The following SPOCK1 variants were observed in gnomAD, a reference collection of about 807,000 sequenced individuals.
SPOCK1 encodes SPARC (osteonectin), cwcv and kazal like domains proteoglycan 1.
SPOCK1 carries 23 observed loss-of-function variants against 55.3 expected under a neutral mutation model. That is an observed-to-expected ratio of 0.42 (90% CI 0.30 to 0.59). SPOCK1 has a LOEUF of 0.59. Ranked by LOEUF, SPOCK1 falls within the 20% of genes least tolerant of loss-of-function variation. The probability of loss-of-function intolerance (pLI) is 0.22; values close to 1 mark genes in which losing one functional copy is unlikely to be tolerated. For synonymous variants in SPOCK1, 226 were observed against 221.0 expected (o/e 1.02, Z -0.20); for missense variants, 499 against 552.5 (o/e 0.90, Z 0.97).
intron 3 of SPOCK1, among the ~76,000 whole-genome samples, chr5:137,181,437 A>T (rs1351599298): frequency 6.6e-6 from 1 of 152,196 alleles, no homozygotes; most frequent in Non-Finnish European, 1.5e-5. Context: ...ACCAATCAAC[A>T]GGGGGCTGTG....
intron 2 of SPOCK1, among the ~76,000 whole-genome samples, chr5:137,475,455 A>T (rs554818999): frequency 6.6e-6 from 1 of 152,348 alleles, no homozygotes; most frequent in South Asian, 2.1e-4. Flanking sequence ...TTCTAGCTAA[A>T]GTAAGAAATT....
chr5:137,492,055 A>T lies in SPOCK1; in HGVS notation c.186+6318T>A, dbSNP rs535438550. ...CATAAGCTTGGTCAACACAGTGGAC[A>T]TCTGTTGACATCTGCCCATCAGGCA... is the stretch of plus-strand genomic sequence containing the variant. On this transcript the variant is annotated intron_variant, in intron 2 of 10. Transcript: ENST00000394945. Among the ~76,000 whole-genome samples the T allele has an allele frequency of 3.3e-5, 5 of 152,322 alleles. No homozygotes were observed. In the East Asian group the frequency reaches 7.7e-4, roughly 24 times the overall value.
intron 2 of SPOCK1, among the ~76,000 whole-genome samples, chr5:137,489,864 G>T (rs555207688): frequency 6.6e-6 from 1 of 152,334 alleles, no homozygotes; most frequent in South Asian, 2.1e-4. Context: ...TCCTCCTGCA[G>T]GGCTCAGCTT....
At chr5:137,074,958 C>T (rs1380238838) in intron 5 of SPOCK1, among the ~76,000 whole-genome samples, 1 of 152,128 alleles carries the variant, frequency 6.6e-6, no homozygotes, top group East Asian at 1.9e-4. Flanking sequence ...CCACCTCGGC[C>T]TCCCAAAGTG....
chr5:137,416,214 T>C (rs558096632), intron 2 of SPOCK1, among the ~76,000 whole-genome samples: 19 of 151,596 alleles, frequency 1.3e-4, no homozygotes, highest in Admixed American at 1.2e-3. Flanking sequence ...CAAGCAAAAA[T>C]GTCTTTCAAA....
chr5:137,300,836 C>T (rs1490774884), intron 2 of SPOCK1, among the ~76,000 whole-genome samples: 6 of 152,178 alleles, frequency 3.9e-5, no homozygotes, highest in African/African-American at 7.2e-5. Flanking sequence ...CCAGCAGCTC[C>T]GTGCCACAGT....
intron 3 of SPOCK1, among the ~76,000 whole-genome samples, chr5:137,251,174 G>T (rs771409345): frequency 6.6e-6 from 1 of 152,108 alleles, no homozygotes; most frequent in African/African-American, 2.4e-5. Flanking sequence ...GCTGTCTGAG[G>T]GCCACGCACT....
At chr5:137,145,081 C>A (rs1193159477) in intron 3 of SPOCK1, among the ~76,000 whole-genome samples, 1 of 151,916 alleles carries the variant, frequency 6.6e-6, no homozygotes, top group Non-Finnish European at 1.5e-5. Flanking sequence ...TCTTTCCCAC[C>A]TATATGCAGA....
chr5:137,202,433 C>T (rs904565414), intron 3 of SPOCK1, among the ~76,000 whole-genome samples: 5 of 152,246 alleles, frequency 3.3e-5, no homozygotes, highest in Middle Eastern at 3.4e-3. Context: ...CAGACTAATG[C>T]CCAGGACAAG....
chr5:137,481,915 T>A (rs1010669634), intron 2 of SPOCK1, among the ~76,000 whole-genome samples: 1 of 151,946 alleles, frequency 6.6e-6, no homozygotes, highest in Non-Finnish European at 1.5e-5. Flanking sequence ...TAGCTTAGAA[T>A]TGCTCAGGAG....
At chr5:137,069,972 G>A (rs759274816) in intron 5 of SPOCK1, among the ~76,000 whole-genome samples, 7 of 152,158 alleles carry the variant, frequency 4.6e-5, no homozygotes, top group Non-Finnish European at 1.0e-4. Flanking sequence ...TCTGAGAGAG[G>A]AATCCACACT....
At chr5:137,394,529 T>C (rs1006035635) in intron 2 of SPOCK1, among the ~76,000 whole-genome samples, 9 of 152,328 alleles carry the variant, frequency 5.9e-5, no homozygotes, top group African/African-American at 2.2e-4. Context: ...CCACGCCTTA[T>C]AGCCTTCATC....
chr5:137,435,473 T>C (rs901586181), intron 2 of SPOCK1, among the ~76,000 whole-genome samples: 3 of 152,156 alleles, frequency 2.0e-5, no homozygotes, highest in African/African-American at 7.2e-5. Flanking sequence ...TTTTTTTGTA[T>C]GTTTCTCTGT....
chr5:137,226,028 CT>C (rs1252077113), intron 3 of SPOCK1, among the ~76,000 whole-genome samples: 2 of 152,158 alleles, frequency 1.3e-5, no homozygotes, highest in East Asian at 3.9e-4. Flanking sequence ...AAGGCCACAG[CT>C]CAACAGGGAC....
At chr5:137,354,435 A>T (rs1019271652) in intron 2 of SPOCK1, among the ~76,000 whole-genome samples, 1 of 151,698 alleles carries the variant, frequency 6.6e-6, no homozygotes, top group African/African-American at 2.4e-5. Context: ...TGACCCCCCC[A>T]GGCAGCCTCC....
intron 3 of SPOCK1, among the ~76,000 whole-genome samples, chr5:137,211,799 G>T (rs997852558): frequency 3.5e-4 from 53 of 152,248 alleles, no homozygotes; most frequent in African/African-American, 1.3e-3. Flanking sequence ...CAAAAGCAGG[G>T]TTCAGAGAAC....
intron 2 of SPOCK1, among the ~76,000 whole-genome samples, chr5:137,332,517 A>T (rs1758205426): frequency 6.6e-6 from 1 of 152,092 alleles, no homozygotes; most frequent in Admixed American, 6.6e-5. Context: ...TGCTTATCTC[A>T]ACAGGCCCTG....
chr5:137,278,080 G>C (rs1455072797), intron 2 of SPOCK1, among the ~76,000 whole-genome samples: 2 of 152,166 alleles, frequency 1.3e-5, no homozygotes, highest in Non-Finnish European at 2.9e-5. Flanking sequence ...GTTTTCTTTA[G>C]CTGCAAAGTG....
chr5:137,061,014 TA>T (rs1322286900), intron 6 of SPOCK1, among the ~76,000 whole-genome samples: 2 of 152,214 alleles, frequency 1.3e-5, no homozygotes, highest in Non-Finnish European at 2.9e-5. Context: ...AACAAGGCCC[TA>T]AAAAATATTC....
Sources: allele counts gnomAD v4.1 joint callset (sites outside exome capture counted in the v4.1 genomes callset), GRCh38; gene constraint gnomAD v4.1.1; transcripts MANE v1.5; gene names NCBI Gene and HGNC (gene_info 2026-07-23, HGNC 2026-07-21).